Variants in COL9A1 observed in about 807,000 individuals in gnomAD.
The protein encoded by COL9A1 is collagen type IX alpha 1 chain.
A neutral mutation model predicts 142.6 loss-of-function variants in COL9A1; 104 were observed. That is an observed-to-expected ratio of 0.73 (90% CI 0.62 to 0.86). The LOEUF (loss-of-function observed/expected upper bound fraction) is 0.86, where lower values mean the gene tolerates loss of function less well. Among genes scored for constraint, COL9A1 ranks in the 40% least tolerant of loss-of-function variants. The pLI, the probability that COL9A1 is intolerant of heterozygous loss-of-function variation, is 0.00. For missense variants in COL9A1, 1,210 were observed against 1,176.6 expected, an observed-to-expected ratio of 1.03 and a Z score of -0.42; for synonymous variants, 466 against 396.0, an observed-to-expected ratio of 1.18 and a Z score of -2.10.
intron 28 of COL9A1, among the ~76,000 whole-genome samples, chr6:70,245,124 T>G (rs185710035): frequency 1.3e-5 from 2 of 152,338 alleles, no homozygotes; most frequent in East Asian, 3.9e-4. Flanking sequence ...AAAACAGTAA[T>G]GTTTATTTTC....
chr6:70,240,631 CTTCTAACAG>C (rs955571426), intron 32 of COL9A1, 49 bp downstream of exon 32: 374 of 1,208,862 alleles, frequency 3.1e-4, no homozygotes, highest in Non-Finnish European at 1.2e-4. Flanking sequence ...TATATATATA[CTTCTAACAG>C]TTCAAAATTG....
At chr6:70,268,605 A>G (rs570091525) in intron 17 of COL9A1, among the ~76,000 whole-genome samples, 199 bp downstream of exon 17, 1 of 152,312 alleles carries the variant, frequency 6.6e-6, no homozygotes, top group South Asian at 2.1e-4. Flanking sequence ...CTAGAAAGCC[A>G]TCCTATGATT....
In COL9A1 at chr6:70,234,834, T is replaced by G; in HGVS notation, c.2219A>C (p.Glu740Ala). 6.2e-7 allele frequency: 1 copy of G among 1,613,872 alleles called. No individual in the cohort carries two copies. Among genetic ancestry groups the G allele is most frequent in the Non-Finnish European group, 8.5e-7 (1 of 1,179,946 alleles). ...GPPGPRGVQG[E>A]QGATGLPGVQ... ...ACCAGGCAGGCCGGTGGCACCCTGT[T>G]CTCCCTGCACACCCCGGGGTCCAGG... The change falls in exon 34 of 38, where the codon GAA (glutamate) becomes GCA (alanine). Residue 740 changes from glutamate (E) to alanine (A), a missense_variant. Coordinates refer to ENST00000357250, the MANE Select transcript of COL9A1 (RefSeq NM_001851.6).
chr6:70,240,799 A>G (rs1770208240), intron 31 of COL9A1, 66 bp from the exon 32 acceptor site: 1 of 1,227,866 alleles, frequency 8.1e-7, no homozygotes, highest in South Asian at 1.2e-5. Context: ...TTAACCAGTA[A>G]ACATTGATAA....
chr6:70,283,660 G>T, intron 6 of COL9A1, 77 bp downstream of exon 6: 1 of 1,077,608 alleles, frequency 9.3e-7, no homozygotes. Context: ...CTGGGGAGGT[G>T]GCAAGATGGG....
At position 70,232,722 on chromosome 6, in the gene COL9A1, G is replaced by A; in HGVS notation, c.2364C>T (p.Ala788=). The A allele has an allele frequency of 6.2e-7, 1 of 1,613,896 alleles. No individual in the cohort carries two copies. The change falls in exon 36 of 38, where the codon GCC becomes GCT. Residue 788 remains alanine, a synonymous_variant. Coordinates refer to ENST00000357250, the MANE Select transcript of COL9A1 (RefSeq NM_001851.6). ...AASLKRPDSG[A]TGLPGRPGPP... The stretch of plus-strand genomic sequence containing the variant: ...GGCCAGGCCTTCCAGGAAGCCCAGT[G>A]GCACCTGAGTCTGGACGCTTAAGAC...
chr6:70,240,034 G>A (rs543539439), intron 32 of COL9A1, among the ~76,000 whole-genome samples: 2 of 152,180 alleles, frequency 1.3e-5, no homozygotes, highest in South Asian at 2.1e-4. Context: ...ACTGTTTTCT[G>A]AAAAATCTAT....
Position 70,268,799 on chromosome 6 carries a change from C to G in COL9A1, c.1287+5G>C. 1 of 1,613,124 alleles carries G rather than the reference C, an allele frequency of 6.2e-7. No homozygotes were observed. The highest frequency in any genetic ancestry group is 8.5e-7 in the Non-Finnish European group (1 of 1,179,234). On this transcript the variant is annotated splice_donor_5th_base_variant and intron_variant, in intron 17 of 37. Transcript: ENST00000357250. ...CTCTTAAAATACTGGAAGTTATTCTCTTACCCTCATGCCTGGTAGGCCTGG... is the reference window on the plus strand; with the variant it reads ...CTCTTAAAATACTGGAAGTTATTCTGTTACCCTCATGCCTGGTAGGCCTGG...
intron 28 of COL9A1, among the ~76,000 whole-genome samples, chr6:70,249,472 G>A (rs148778030): frequency 2.4e-4 from 37 of 152,150 alleles, no homozygotes; most frequent in Admixed American, 5.9e-4. Flanking sequence ...GACTGCAGCC[G>A]GTGAGACAAT....
At chr6:70,233,113 G>C (rs1769663020) in intron 35 of COL9A1, among the ~76,000 whole-genome samples, 1 of 152,142 alleles carries the variant, frequency 6.6e-6, no homozygotes, top group Non-Finnish European at 1.5e-5. Flanking sequence ...CTGAATCCCT[G>C]CTGGGTATCT....
intron 18 of COL9A1, among the ~76,000 whole-genome samples, chr6:70,263,877 T>C (rs1265273743): frequency 6.6e-6 from 1 of 151,992 alleles, no homozygotes; most frequent in East Asian, 1.9e-4. Context: ...AAAATATACA[T>C]TTATTTATAT....
intron 36 of COL9A1, among the ~76,000 whole-genome samples, chr6:70,231,833 G>A (rs1769567250): frequency 6.6e-6 from 1 of 151,934 alleles, no homozygotes; most frequent in Admixed American, 6.6e-5. Context: ...AGTCCTCTCT[G>A]TAAATTATCC....
intron 21 of COL9A1, among the ~76,000 whole-genome samples, chr6:70,256,307 A>T (rs181775590): frequency 2.6e-5 from 4 of 152,342 alleles, no homozygotes; most frequent in Admixed American, 2.0e-4. Flanking sequence ...TATGTGGCAT[A>T]TTCAATTATC....
intron 26 of COL9A1, chr6:70,253,119 T>C: frequency 5.5e-6 from 2 of 360,748 alleles, no homozygotes; most frequent in South Asian, 3.7e-5. Context: ...ATTTTAGTAG[T>C]AAGGAACAAT....
chr6:70,261,458 T>C (rs1345557526), intron 19 of COL9A1, among the ~76,000 whole-genome samples: 1 of 152,204 alleles, frequency 6.6e-6, no homozygotes, highest in African/African-American at 2.4e-5. Flanking sequence ...GGAGGGTGGA[T>C]GCTCCATTAG....
At chr6:70,256,659 C>T in intron 21 of COL9A1, 109 bp downstream of exon 21, 1 of 781,148 alleles carries the variant, frequency 1.3e-6, no homozygotes, top group East Asian at 2.7e-5. Context: ...TATAAATTGT[C>T]CACTTTTCCA....
At chr6:70,300,650 A>C (rs1774030274) in intron 2 of COL9A1, among the ~76,000 whole-genome samples, 1 of 152,102 alleles carries the variant, frequency 6.6e-6, no homozygotes. Flanking sequence ...TCATCCTGGA[A>C]GGGGTGGATG....
At position 70,281,438 on chromosome 6, in the gene COL9A1, A is replaced by G. The variant is rs768521820; in HGVS notation, c.828T>C (p.Pro276=). 5 of 1,613,222 alleles carry G rather than the reference A, an allele frequency of 3.1e-6. No individual in the cohort carries two copies. The African/African-American group carries it at 5.3e-5, about 17-fold the overall frequency. Residue 276 remains proline, a synonymous_variant, in exon 8 of 38, where the codon CCT becomes CCC. Coordinates refer to ENST00000357250, the MANE Select transcript of COL9A1 (RefSeq NM_001851.6). ...CTCCAGGGGGGCCCGGAGGCCCGGGAGGACCCTGCTCACCCGGGGGACCTC... is the reference window on the plus strand; with the variant it reads ...CTCCAGGGGGGCCCGGAGGCCCGGGGGGACCCTGCTCACCCGGGGGACCTC... ...DERGPPGEQG[P]PGPPGPPGVP... is the part of the protein sequence containing the mutation.
chr6:70,224,909 T>A (rs1362007051), intron 37 of COL9A1, among the ~76,000 whole-genome samples: 1 of 152,214 alleles, frequency 6.6e-6, no homozygotes, highest in Non-Finnish European at 1.5e-5. Flanking sequence ...TTTAAAAAAT[T>A]TTTTAATGAG....
Sources: gnomAD v4.1 joint callset for allele counts (sites outside exome capture counted in the v4.1 genomes callset) on GRCh38, gnomAD v4.1.1 for gene constraint, MANE v1.5 for transcripts, NCBI Gene and HGNC (gene_info 2026-07-23, HGNC 2026-07-21) for gene names.